HMGXB3: variants seen among roughly 807,000 people sequenced by gnomAD.
The protein encoded by HMGXB3 is HMG-box containing 3.
HMGXB3 carries 45 observed loss-of-function variants against 121.5 expected under a neutral mutation model. The observed-to-expected ratio is 0.37, with a 90% CI of 0.29 to 0.47. The LOEUF is 0.47. Among genes scored for constraint, HMGXB3 ranks in the 20% least tolerant of loss-of-function variants. The pLI is 0.99. For synonymous variants in HMGXB3, 590 were observed against 624.1 expected (o/e 0.95, Z 0.81); for missense variants, 1,376 against 1,602.2 (o/e 0.86, Z 2.41).
chr5:150,045,379 C>CTGAA (rs1243610038), intron 15 of HMGXB3, 87 bp from the exon 16 acceptor site: 13 of 1,147,228 alleles, frequency 1.1e-5, no homozygotes, highest in Middle Eastern at 2.0e-4. Flanking sequence ...CCTTGGCTTC[C>CTGAA]CTGTGTGTAT....
At position 150,030,810 on chromosome 5, in the gene HMGXB3, C is replaced by T; in HGVS notation, c.1804C>T (p.Pro602Ser). The change falls in exon 10 of 20, where the codon CCA becomes TCA. Residue 602 changes from proline to serine, a missense_variant. Coordinates refer to ENST00000502717, the MANE Select transcript of HMGXB3 (RefSeq NM_014983.3). ...VVEVKPDMFP[P>S]YKYSCTVTLD... ...GGAGGTCAAGCCCGATATGTTTCCT[C>T]CATATAAGTACAGCTGCACTGTCAC... 2 of 1,551,996 alleles carry T rather than the reference C, an allele frequency of 1.3e-6. No individual in the cohort carries two copies. The highest frequency in any genetic ancestry group is 8.7e-7 in the Non-Finnish European group (1 of 1,146,924).
chr5:150,021,022 C>T (rs1756079562), intron 6 of HMGXB3, among the ~76,000 whole-genome samples: 1 of 152,130 alleles, frequency 6.6e-6, no homozygotes, highest in Non-Finnish European at 1.5e-5. Context: ...CATGTGTGAG[C>T]CATGGTGCCC....
chr5:150,009,272 A>G (rs1755775590), intron 3 of HMGXB3, among the ~76,000 whole-genome samples: 1 of 152,194 alleles, frequency 6.6e-6, no homozygotes, highest in Non-Finnish European at 1.5e-5. Context: ...GTTTAGGGAA[A>G]GTTTACCTCC....
chr5:150,048,509 C>A, intron 17 of HMGXB3, 60 bp from the exon 18 acceptor site: 1 of 1,124,626 alleles, frequency 8.9e-7, no homozygotes, highest in Non-Finnish European at 1.3e-6. Flanking sequence ...TGATGCTGAG[C>A]ACCAGCCGTG....
intron 3 of HMGXB3, 51 bp downstream of exon 3, chr5:150,006,698 G>C (rs1561847980): frequency 4.7e-6 from 7 of 1,480,618 alleles, no homozygotes; most frequent in Non-Finnish European, 6.4e-6. Context: ...AGTGATGAAG[G>C]CCTTGGGAAA....
At chr5:150,042,128 C>T (rs1365437551) in intron 15 of HMGXB3, among the ~76,000 whole-genome samples, 159 bp downstream of exon 15, 1 of 152,124 alleles carries the variant, frequency 6.6e-6, no homozygotes, top group Non-Finnish European at 1.5e-5. Flanking sequence ...TTAGGGAATG[C>T]CAGATGGAAA....
At chr5:150,001,580 C>T (rs1021171172) in intron 1 of HMGXB3, among the ~76,000 whole-genome samples, 2 of 152,152 alleles carry the variant, frequency 1.3e-5, no homozygotes, top group African/African-American at 4.8e-5. Flanking sequence ...TGCTTAAGGT[C>T]AGAGGTCCCC....
chr5:150,006,507 C>A lies in HMGXB3; in HGVS notation c.172C>A (p.Leu58Met). The change falls in exon 3 of 20, where the codon CTG (leucine) becomes ATG (methionine). Residue 58 changes from leucine to methionine, a missense_variant. Physicochemically the swap from Leu to Met is conservative, Grantham distance 15. Coordinates refer to ENST00000502717, the MANE Select transcript of HMGXB3 (RefSeq NM_014983.3). ...AYLLYYYDIY[L>M]KVQQELPHLP... ...CCTTCTGTACTATTACGACATCTAC[C>A]TGAAAGTGCAGCAGGAGCTCCCCCA... 1.3e-6 allele frequency: 2 copies of A among 1,551,814 alleles called. No homozygotes were observed. Among genetic ancestry groups the A allele is most frequent in the Non-Finnish European group, 1.7e-6 (2 of 1,147,014 alleles).
chr5:150,018,703 G>A lies in HMGXB3; in HGVS notation c.1041+6G>A. 6.5e-7 allele frequency: 1 copy of A among 1,547,562 alleles called. No individual in the cohort carries two copies. The highest frequency in any genetic ancestry group is 8.7e-7 in the Non-Finnish European group (1 of 1,145,074). Reference sequence around the variant, plus strand: ...GAGGGAAGTGGATCCCAAAGGTAAGGTCCATTGGCTGTTGCTGCTTTGGAA... The same window carrying A: ...GAGGGAAGTGGATCCCAAAGGTAAGATCCATTGGCTGTTGCTGCTTTGGAA... On this transcript the variant is annotated splice_donor_region_variant and intron_variant, in intron 6 of 19. Coordinates refer to ENST00000502717, the MANE Select transcript of HMGXB3 (RefSeq NM_014983.3).
rs891561030 is a variant in HMGXB3, at chr5:150,044,859, G to A, written c.2731-607G>A. Among the ~76,000 whole-genome samples the A allele has an allele frequency of 1.2e-4, 18 of 152,284 alleles. 1 individual carries two copies. The highest frequency in any genetic ancestry group is 1.2e-3 in the Admixed American group (18 of 15,296). ...AGAAGAAAAATTGAGTAGCACAAGCGCTATTAATAGATGTCTATAAGAGAT... is the reference window on the plus strand; with the variant it reads ...AGAAGAAAAATTGAGTAGCACAAGCACTATTAATAGATGTCTATAAGAGAT... On this transcript the variant is annotated intron_variant, in intron 15 of 19. Coordinates refer to ENST00000502717, the MANE Select transcript of HMGXB3 (RefSeq NM_014983.3).
At chr5:150,033,071 G>A (rs1475761597) in intron 11 of HMGXB3, among the ~76,000 whole-genome samples, 1 of 152,158 alleles carries the variant, frequency 6.6e-6, no homozygotes, top group African/African-American at 2.4e-5. Context: ...AGTCTAGGCA[G>A]CCCTCCTCTC....
rs767037659 is a variant in HMGXB3, at chr5:150,040,732, T to A, written c.2414-16T>A. The A allele has an allele frequency of 6.5e-7, 1 of 1,548,168 alleles. No homozygotes were observed. On this transcript the variant is annotated splice_polypyrimidine_tract_variant and intron_variant, in intron 13 of 19. Transcript: ENST00000502717. ...ATGATACATTAATTTCCTTGTTGCCTCTTCTTAACCTGCAGGTCTCTTTAA... is the reference window on the plus strand; with the variant it reads ...ATGATACATTAATTTCCTTGTTGCCACTTCTTAACCTGCAGGTCTCTTTAA...
At chr5:150,038,188 A>G (rs1581262657) in intron 13 of HMGXB3, among the ~76,000 whole-genome samples, 1 of 152,182 alleles carries the variant, frequency 6.6e-6, no homozygotes, top group African/African-American at 2.4e-5. Flanking sequence ...TGGAACACTC[A>G]CCGTGTACCA....
chr5:150,026,194 AAGG>A lies in HMGXB3; in HGVS notation c.1461-510_1461-508del, dbSNP rs1273480718. On this transcript the variant is annotated intron_variant, in intron 7 of 19. Transcript: ENST00000502717. ...CTTTGGCGATGGTTTTGTATATTTA[AAGG>A]ATGAAGCTGTGCACTTTAGACCTTT... is the stretch of plus-strand genomic sequence containing the variant. Among the ~76,000 whole-genome samples, 64 of 152,304 alleles carry A rather than the reference AAGG, an allele frequency of 4.2e-4. 1 individual carries two copies. The highest frequency in any genetic ancestry group is 3.9e-3 in the Admixed American group (59 of 15,298).
At position 150,045,791 on chromosome 5, in the gene HMGXB3, G is replaced by C. The variant is rs955497777; in HGVS notation, c.2950+106G>C. ...AGTGGTAGCGAGAGGGCCAGGCCCC[G>C]CTGCAGGACTCCTTTCAGAAAGATA... On this transcript the variant is annotated intron_variant, in intron 16 of 19. Transcript: ENST00000502717. 1.5e-4 allele frequency: 119 copies of C among 789,420 alleles called. No individual in the cohort carries two copies. The Admixed American group carries it at 2.8e-3, about 19-fold the overall frequency. The allele number at this position is 789,420 out of a possible 1,614,324, so 48.9% of individuals were successfully genotyped here. A position where few individuals can be genotyped will look rare whatever the true frequency, so the allele number is the denominator to read the frequency against.
intron 3 of HMGXB3, among the ~76,000 whole-genome samples, chr5:150,007,214 G>A (rs1015125030): frequency 6.6e-6 from 1 of 152,206 alleles, no homozygotes; most frequent in African/African-American, 2.4e-5. Context: ...GGGTGCTTGG[G>A]TTAAAGGACT....
intron 18 of HMGXB3, 132 bp downstream of exon 18, chr5:150,048,817 G>T: frequency 1.4e-6 from 1 of 699,400 alleles, no homozygotes; most frequent in Non-Finnish European, 2.6e-6. Context: ...CTGCCCACGG[G>T]TCAGGTGCTA....
intron 5 of HMGXB3, among the ~76,000 whole-genome samples, chr5:150,017,967 A>G (rs568801563): frequency 1.3e-5 from 2 of 152,346 alleles, no homozygotes; most frequent in South Asian, 4.1e-4. Context: ...GTATCAAAGG[A>G]TAGGGCCTGG....
chr5:150,034,126 G>A (rs1756447558), intron 11 of HMGXB3, among the ~76,000 whole-genome samples: 1 of 152,186 alleles, frequency 6.6e-6, no homozygotes, highest in Non-Finnish European at 1.5e-5. Context: ...GAAATTGCAT[G>A]CAAAATGGGT....
Sources: allele counts gnomAD v4.1 joint callset (sites outside exome capture counted in the v4.1 genomes callset), GRCh38; gene constraint gnomAD v4.1.1; transcripts MANE v1.5; gene names NCBI Gene and HGNC (gene_info 2026-07-23, HGNC 2026-07-21).